Variants in CEP350 observed in about 807,000 individuals in gnomAD.
CEP350 encodes centrosome-associated protein 350.
In CEP350, 126 loss-of-function variants were observed where a neutral mutation model predicts 331.8. That is an observed-to-expected ratio of 0.38 (90% CI 0.33 to 0.44). CEP350 has a LOEUF of 0.44. CEP350 is among the 20% of genes least tolerant of loss of function. The probability of loss-of-function intolerance (pLI) is 1.00; values close to 1 mark genes in which losing one functional copy is unlikely to be tolerated. For synonymous variants in CEP350, 1,200 were observed against 1,259.5 expected (o/e 0.95, Z 1.00); for missense variants, 3,406 against 3,634.6 (o/e 0.94, Z 1.62).
chr1:180,016,062 A>T (rs1654950211), intron 11 of CEP350, 92 bp downstream of exon 11: 1 of 1,436,296 alleles, frequency 7.0e-7, no homozygotes, highest in African/African-American at 1.4e-5. Context: ...ACTTTTGTGA[A>T]CAAGAGGGCA....
intron 1 of CEP350, among the ~76,000 whole-genome samples, chr1:179,970,262 C>T (rs556826047): frequency 2.9e-4 from 44 of 152,296 alleles, no homozygotes; most frequent in African/African-American, 1.0e-3. Context: ...TCCTGGATTA[C>T]AGTAAGTCAC....
chr1:180,062,098 A>G (rs371779463), intron 25 of CEP350, 122 bp from the exon 26 acceptor site: 1 of 878,748 alleles, frequency 1.1e-6, no homozygotes, highest in Admixed American at 4.3e-5. Flanking sequence ...CAGTATTACT[A>G]CTTTTATTAT....
intron 32 of CEP350, among the ~76,000 whole-genome samples, chr1:180,088,927 A>G (rs777070423): frequency 3.9e-5 from 6 of 152,192 alleles, no homozygotes; most frequent in Non-Finnish European, 5.9e-5. Context: ...ATACCCAACT[A>G]TCCCACAATA....
chr1:180,014,375 C>A lies in CEP350; in HGVS notation c.1922C>A (p.Thr641Asn), dbSNP rs140608133. 8 of 1,595,912 alleles carry A rather than the reference C, an allele frequency of 5.0e-6. No homozygotes were observed. The highest frequency in any genetic ancestry group is 6.8e-6 in the Non-Finnish European group (8 of 1,170,876). ...ELYRKQKEAF[T>N]KVKNVPPSEP... is the part of the protein sequence containing the mutation. The stretch of plus-strand genomic sequence containing the variant: ...TACCGGAAGCAGAAGGAAGCCTTTA[C>A]TAAAGTAAAAAATGTCCCTCCTTCT... The change falls in exon 10 of 38, where the codon ACT becomes AAT. Residue 641 changes from threonine (T) to asparagine (N), a missense_variant. By Grantham distance (65) the Thr-to-Asn change is moderately conservative (BLOSUM62 0). Coordinates refer to ENST00000367607, the MANE Select transcript of CEP350 (RefSeq NM_014810.5).
intron 28 of CEP350, among the ~76,000 whole-genome samples, chr1:180,075,648 G>A (rs1445348509): frequency 6.6e-6 from 1 of 151,418 alleles, no homozygotes; most frequent in African/African-American, 2.4e-5. Flanking sequence ...ACAAATGCTG[G>A]AGAAATTAGA....
At chr1:179,968,021 C>T (rs777959267) in intron 1 of CEP350, among the ~76,000 whole-genome samples, 4 of 152,006 alleles carry the variant, frequency 2.6e-5, no homozygotes, top group Non-Finnish European at 4.4e-5. Flanking sequence ...ATATACTGTG[C>T]GTGAACTAGG....
chr1:180,034,213 A>G (rs1571898884), intron 16 of CEP350, 131 bp downstream of exon 16: 1 of 1,169,726 alleles, frequency 8.5e-7, no homozygotes, highest in Non-Finnish European at 1.2e-6. Flanking sequence ...CTTTTCAAGT[A>G]TTAAAAACTG....
intron 15 of CEP350, among the ~76,000 whole-genome samples, chr1:180,032,281 T>C (rs890416085): frequency 1.3e-5 from 2 of 152,156 alleles, no homozygotes; most frequent in African/African-American, 2.4e-5. Context: ...AACTTTGTGC[T>C]TTTTCTAGTA....
chr1:180,004,711 G>A (rs796410591), intron 7 of CEP350, among the ~76,000 whole-genome samples: 1 of 152,134 alleles, frequency 6.6e-6, no homozygotes, highest in South Asian at 2.1e-4. Flanking sequence ...TCTGTCAGCA[G>A]CATGATTGAT....
rs566456836 is a variant in CEP350 at position 180,001,447 on chromosome 1, T to C, written c.1019-1727T>C. ...CTAATTTTTGTATTTTTGGTAGAGA[T>C]GGGGTTTCGCCATGTTGGCCAGGCT... On this transcript the variant is annotated intron_variant, in intron 6 of 37. Coordinates refer to ENST00000367607, the MANE Select transcript of CEP350 (RefSeq NM_014810.5). 2.0e-5 allele frequency among the ~76,000 whole-genome samples: 3 copies of C among 152,086 alleles called. No homozygotes were observed. In the East Asian group the frequency reaches 5.8e-4, roughly 29 times the overall value.
At position 180,093,049 on chromosome 1, in the gene CEP350, T is replaced by C. The variant is rs375082097; in HGVS notation, c.6944T>C (p.Val2315Ala). ...LDSENVQKDLVGLAIENLHKS... is the reference protein window; with the variant it reads ...LDSENVQKDLAGLAIENLHKS... ...TCTGAAAATGTTCAGAAAGACCTAG[T>C]TGGATTAGCTATTGAAAATCTCCAT... Residue 2315 changes from valine to alanine, a missense_variant, in exon 34 of 38, where the codon GTT becomes GCT. Physicochemically the swap from Val to Ala is moderately conservative, Grantham distance 64 (BLOSUM62 0). Transcript: ENST00000367607. The C allele has an allele frequency of 6.2e-7, 1 of 1,606,084 alleles. No homozygotes were observed. Among genetic ancestry groups the C allele is most frequent in the African/African-American group, 1.3e-5 (1 of 74,836 alleles).
intron 37 of CEP350, 145 bp downstream of exon 37, chr1:180,099,130 C>A (rs1435011886): frequency 1.0e-5 from 8 of 770,954 alleles, no homozygotes; most frequent in Non-Finnish European, 1.4e-5. Flanking sequence ...GCATTTCTAC[C>A]CCTCAGTTTT....
At chr1:180,092,225 A>G (rs1571988554) in intron 33 of CEP350, among the ~76,000 whole-genome samples, 1 of 152,326 alleles carries the variant, frequency 6.6e-6, no homozygotes. Flanking sequence ...GTATTCTTTT[A>G]GAAGTATATA....
chr1:179,998,301 TTC>T (rs1422680681), intron 6 of CEP350, among the ~76,000 whole-genome samples: 1 of 129,794 alleles, frequency 7.7e-6, no homozygotes, highest in Non-Finnish European at 1.7e-5. Flanking sequence ...TTCTTCTATT[TTC>T]TTTTTTTTTT....
chr1:180,024,354 A>G (rs1655527040), intron 13 of CEP350, 65 bp from the exon 14 acceptor site: 4 of 1,398,690 alleles, frequency 2.9e-6, no homozygotes, highest in Non-Finnish European at 3.9e-6. Flanking sequence ...ATTTTTAAAT[A>G]TCTTTAATTT....
At chr1:179,973,213 G>A (rs534628279) in intron 1 of CEP350, among the ~76,000 whole-genome samples, 2 of 152,194 alleles carry the variant, frequency 1.3e-5, no homozygotes, top group South Asian at 4.1e-4. Flanking sequence ...TTTCTAAGTT[G>A]TAGCCTAATA....
intron 22 of CEP350, among the ~76,000 whole-genome samples, chr1:180,049,035 T>C (rs1022038664): frequency 1.3e-5 from 2 of 152,188 alleles, no homozygotes; most frequent in African/African-American, 4.8e-5. Flanking sequence ...GACATAGCAC[T>C]GCAGCTTTGG....
chr1:180,072,469 G>T (rs1013420879), intron 27 of CEP350, among the ~76,000 whole-genome samples: 1 of 152,146 alleles, frequency 6.6e-6, no homozygotes, highest in African/African-American at 2.4e-5. Context: ...TGAGCCTTTT[G>T]CCAAGTGCCT....
At chr1:180,074,037 T>C (rs960502870) in intron 27 of CEP350, 1 of 784,858 alleles carries the variant, frequency 1.3e-6, no homozygotes, top group Non-Finnish European at 1.8e-6. Context: ...AAATGTCCCA[T>C]AAATTTTACC....
Sources: gnomAD v4.1 joint callset for allele counts (sites outside exome capture counted in the v4.1 genomes callset) on GRCh38, gnomAD v4.1.1 for gene constraint, MANE v1.5 for transcripts, NCBI Gene and HGNC (gene_info 2026-07-23, HGNC 2026-07-21) for gene names.